Variants in REPS1 observed in about 807,000 individuals in gnomAD.
REPS1 encodes the protein RALBP1 associated Eps domain containing 1, also known as ralBP1-associated Eps domain-containing protein 1.
Under a neutral mutation model 100.9 loss-of-function variants are expected in REPS1, and 39 were observed. That is an observed-to-expected ratio of 0.39 (90% CI 0.30 to 0.50). The LOEUF (loss-of-function observed/expected upper bound fraction) is 0.50, where lower values mean the gene tolerates loss of function less well. Among genes scored for constraint, REPS1 ranks in the 20% least tolerant of loss-of-function variants. The pLI is 0.86. For missense variants in REPS1, 821 were observed against 968.5 expected, an observed-to-expected ratio of 0.85 and a Z score of 2.02; for synonymous variants, 324 against 340.3, an observed-to-expected ratio of 0.95 and a Z score of 0.53.
At chr6:138,960,474 T>C (rs180735397) in intron 1 of REPS1, among the ~76,000 whole-genome samples, 2 of 152,172 alleles carry the variant, frequency 1.3e-5, no homozygotes, top group Admixed American at 6.5e-5. Context: ...CACAGTTTTA[T>C]ACAAATAACT....
intron 7 of REPS1, among the ~76,000 whole-genome samples, chr6:138,942,336 T>A (rs1028498007): frequency 6.6e-6 from 1 of 152,224 alleles, no homozygotes; most frequent in African/African-American, 2.4e-5. Flanking sequence ...CTACCTACCT[T>A]GTACTACAGC....
chr6:138,907,450 T>C (rs1779735399), intron 19 of REPS1, 45 bp downstream of exon 19: 1 of 1,373,608 alleles, frequency 7.3e-7, no homozygotes, highest in South Asian at 1.2e-5. Flanking sequence ...TTTAGGTTTC[T>C]TTACTAAGAT....
chr6:138,955,467 T>A (rs1290575978), intron 1 of REPS1, among the ~76,000 whole-genome samples: 3 of 144,716 alleles, frequency 2.1e-5, no homozygotes, highest in South Asian at 2.2e-4. Context: ...AGTGTGTGTG[T>A]GTGTGTGTGT....
chr6:138,974,756 CA>C (rs1454870205), intron 1 of REPS1, among the ~76,000 whole-genome samples: 1 of 152,096 alleles, frequency 6.6e-6, no homozygotes, highest in African/African-American at 2.4e-5. Flanking sequence ...TTCAAATATA[CA>C]GACTTTAAGG....
chr6:138,944,096 G>C, intron 5 of REPS1, 81 bp from the exon 6 acceptor site: 1 of 1,347,716 alleles, frequency 7.4e-7, no homozygotes, highest in South Asian at 1.3e-5. Flanking sequence ...ATTTATCTTT[G>C]AAAGTAAAAC....
At chr6:138,958,792 T>C (rs17068177) in intron 1 of REPS1, among the ~76,000 whole-genome samples, 4,422 of 152,350 alleles carry the variant, frequency 0.029, 187 homozygotes, top group African/African-American at 0.097. Flanking sequence ...TTTTGCTCTA[T>C]CAGCAGTCTC....
intron 1 of REPS1, among the ~76,000 whole-genome samples, chr6:138,953,871 A>G (rs1205652337): frequency 6.6e-6 from 1 of 152,176 alleles, no homozygotes; most frequent in Non-Finnish European, 1.5e-5. Context: ...AAATTATTAT[A>G]TCAGAGAGAC....
chr6:138,923,041 T>C (rs1780881385), intron 10 of REPS1, among the ~76,000 whole-genome samples: 1 of 152,212 alleles, frequency 6.6e-6, no homozygotes, highest in Non-Finnish European at 1.5e-5. Flanking sequence ...ACAGGGTTCA[T>C]GTACTTAACC....
intron 18 of REPS1, 103 bp from the exon 19 acceptor site, chr6:138,907,703 G>C (rs1018506462): frequency 2.7e-6 from 2 of 736,868 alleles, no homozygotes; most frequent in Admixed American, 4.7e-5. Context: ...AGCAAAAAGA[G>C]CATCTTTTTC....
intron 6 of REPS1, 75 bp downstream of exon 6, chr6:138,943,778 A>G: frequency 7.6e-7 from 1 of 1,316,968 alleles, no homozygotes; most frequent in Admixed American, 2.3e-5. Context: ...ATGACCAATA[A>G]AACAATGTCT....
intron 7 of REPS1, among the ~76,000 whole-genome samples, chr6:138,942,913 C>G (rs931898665): frequency 2.6e-5 from 4 of 151,678 alleles, no homozygotes; most frequent in Admixed American, 6.6e-5. Context: ...TGCCACCATG[C>G]CCGGCTAATT....
intron 1 of REPS1, among the ~76,000 whole-genome samples, chr6:138,973,232 AAC>A (rs965062141): frequency 6.6e-6 from 1 of 152,186 alleles, no homozygotes; most frequent in African/African-American, 2.4e-5. Flanking sequence ...AAAAACAAAA[AAC>A]ACATGGTATT....
At chr6:138,926,909 T>G (rs968281720) in intron 9 of REPS1, 1 of 157,572 alleles carries the variant, frequency 6.3e-6, no homozygotes, top group Admixed American at 6.3e-5. Flanking sequence ...TGAATCAAAG[T>G]TTTGTTCAAA....
chr6:138,922,959 A>C (rs1181964276), intron 10 of REPS1, among the ~76,000 whole-genome samples: 1 of 152,166 alleles, frequency 6.6e-6, no homozygotes, highest in African/African-American at 2.4e-5. Context: ...ACTTGTAACA[A>C]ATTCTTTACA....
At chr6:138,943,435 T>G (rs1011835291) in intron 7 of REPS1, 78 bp downstream of exon 7, 5 of 845,820 alleles carry the variant, frequency 5.9e-6, no homozygotes, top group Admixed American at 2.2e-5. Flanking sequence ...TTGTTTATTT[T>G]TTAAGGCTCT....
chr6:138,947,668 A>G lies in REPS1; in HGVS notation c.277+122T>C, dbSNP rs1314999427. 3 of 851,778 alleles carry G rather than the reference A, an allele frequency of 3.5e-6. No homozygotes were observed. In the Admixed American group the frequency reaches 9.3e-5, roughly 26 times the overall value. The allele number at this position is 851,778 out of a possible 1,614,324, so 52.8% of individuals were successfully genotyped here. ...GCAAGGTAGTGGGAATAAAGTCACG[A>G]CACTTCACTCAAGGTCACAAATGCC... On this transcript the variant is annotated intron_variant, in intron 2 of 19. Transcript: ENST00000450536.
At chr6:138,917,172 T>C (rs532878927) in intron 13 of REPS1, among the ~76,000 whole-genome samples, 21 of 152,232 alleles carry the variant, frequency 1.4e-4, no homozygotes, top group Admixed American at 1.4e-3. Flanking sequence ...AACTTCAGGG[T>C]GGGGAGGTGG....
chr6:138,956,258 GC>G (rs1056890840), intron 1 of REPS1, among the ~76,000 whole-genome samples: 2 of 152,014 alleles, frequency 1.3e-5, no homozygotes, highest in African/African-American at 4.8e-5. Context: ...ATAAATTTTT[GC>G]AATTAGAAAA....
Position 138,904,095 on chromosome 6 carries a change from G to A in REPS1, c.*969C>T, listed in dbSNP as rs1229659841. The A allele has an allele frequency of 1.3e-5, 2 of 152,104 alleles. No individual in the cohort carries two copies. The highest frequency in any genetic ancestry group is 2.9e-5 in the Non-Finnish European group (2 of 68,008). The allele number at this position is 152,104 out of a possible 1,614,324, so 9.4% of individuals were successfully genotyped here. A position where few individuals can be genotyped will look rare whatever the true frequency, so the allele number is the denominator to read the frequency against. ...TATATCCATGCAGTTTAAAATCTAT[G>A]ATCCTATAGACAGAATAAATCTTAA... On this transcript the variant is annotated 3_prime_UTR_variant, in exon 20 of 20. Transcript: ENST00000450536.
Sources: allele counts gnomAD v4.1 joint callset (sites outside exome capture counted in the v4.1 genomes callset), GRCh38; gene constraint gnomAD v4.1.1; transcripts MANE v1.5; gene names NCBI Gene and HGNC (gene_info 2026-07-23, HGNC 2026-07-21).